CAST: variants seen among roughly 807,000 people sequenced by gnomAD.
CAST encodes the protein calpastatin.
Under a neutral mutation model 119.6 loss-of-function variants are expected in CAST, and 76 were observed. The observed-to-expected ratio is 0.64, with a 90% CI of 0.53 to 0.77. The LOEUF is 0.77. Ranked by LOEUF, CAST falls within the 30% of genes least tolerant of loss-of-function variation. The probability of loss-of-function intolerance (pLI) is 0.00; values close to 1 mark genes in which losing one functional copy is unlikely to be tolerated. For missense variants in CAST, 953 were observed against 946.5 expected (o/e 1.01, Z -0.09); for synonymous variants, 319 against 331.6 (o/e 0.96, Z 0.41).
intron 1 of CAST, among the ~76,000 whole-genome samples, chr5:96,579,623 C>T (rs1050242382): frequency 3.9e-5 from 6 of 152,122 alleles, no homozygotes; most frequent in African/African-American, 7.2e-5. Flanking sequence ...GATGCCATTC[C>T]GCTGTGCTAT....
chr5:96,619,727 A>G (rs1056335709), intron 1 of CAST, among the ~76,000 whole-genome samples: 26 of 152,208 alleles, frequency 1.7e-4, no homozygotes, highest in African/African-American at 6.3e-4. Flanking sequence ...AACTCCAGGC[A>G]CACCATCTTT....
chr5:96,763,064 TCTC>T, intron 25 of CAST: 5 of 765,036 alleles, frequency 6.5e-6, no homozygotes, highest in Non-Finnish European at 1.2e-5. Context: ...CAGATCCCCA[TCTC>T]CTTTGGTTGA....
At chr5:96,770,039 A>T (rs543794591) in intron 29 of CAST, 5 of 154,278 alleles carry the variant, frequency 3.2e-5, no homozygotes, top group African/African-American at 1.2e-4. Flanking sequence ...GAGTGCAGAT[A>T]TCTTTATAAG....
At chr5:95,968,717 T>C in the CAST span, among the ~76,000 whole-genome samples, 3 of 152,182 alleles carry the variant, frequency 2.0e-5, no homozygotes, top group African/African-American at 7.2e-5. Context: ...CATTCAGCTG[T>C]TTATTCAAGT....
At chr5:96,665,743 TACACACACACAC>T (rs745907302) in intron 1 of CAST, among the ~76,000 whole-genome samples, 2 of 130,076 alleles carry the variant, frequency 1.5e-5, no homozygotes, top group Admixed American at 1.5e-4. Context: ...CACACACACA[TACACACACACAC>T]ACACATATAC....
chr5:96,741,515 G>A lies in CAST; in HGVS notation c.1033G>A (p.Ala345Thr). The change falls in exon 15 of 32, where the codon GCT (alanine) becomes ACT (threonine). Residue 345 changes from alanine (A) to threonine (T), a missense_variant. Transcript: ENST00000675179. Reference sequence around the variant, plus strand: ...TCAGGAATCTACAGAAGTTTTAAAAGCTCAGTCAGCAGGGACAGTCAGAAG... The same window carrying A: ...TCAGGAATCTACAGAAGTTTTAAAAACTCAGTCAGCAGGGACAGTCAGAAG... ...EKEESTEVLKAQSAGTVRSAA... is the reference protein window; with the variant it reads ...EKEESTEVLKTQSAGTVRSAA... 1.2e-6 allele frequency: 2 copies of A among 1,613,444 alleles called. No homozygotes were observed. Among genetic ancestry groups the A allele is most frequent in the Admixed American group, 1.7e-5 (1 of 59,994 alleles).
At chr5:95,979,804 A>G in the CAST span, among the ~76,000 whole-genome samples, 2 of 152,184 alleles carry the variant, frequency 1.3e-5, no homozygotes, top group Non-Finnish European at 2.9e-5. Context: ...TTAAAGCTGC[A>G]TAGGAATTTT....
chr5:96,260,998 C>A, the CAST span, among the ~76,000 whole-genome samples: 1 of 152,156 alleles, frequency 6.6e-6, no homozygotes, highest in African/African-American at 2.4e-5. Flanking sequence ...TCATCCTCAG[C>A]AAAATTGCTG....
intron 1 of CAST, among the ~76,000 whole-genome samples, chr5:96,561,093 A>G (rs1746347671): frequency 6.6e-6 from 1 of 151,854 alleles, no homozygotes; most frequent in Non-Finnish European, 1.5e-5. Flanking sequence ...TGAGCAAACT[A>G]TCGCAAGGAC....
the CAST span, among the ~76,000 whole-genome samples, chr5:96,371,854 A>G: frequency 6.6e-6 from 1 of 152,220 alleles, no homozygotes; most frequent in South Asian, 2.1e-4. Context: ...ACACAGCAGG[A>G]TTTATGACCA....
chr5:95,966,703 G>C, the CAST span, among the ~76,000 whole-genome samples: 1 of 152,148 alleles, frequency 6.6e-6, no homozygotes, highest in Non-Finnish European at 1.5e-5. Context: ...CACATGTATT[G>C]AATACACATG....
the CAST span, among the ~76,000 whole-genome samples, chr5:96,259,023 A>G: frequency 1.3e-5 from 2 of 152,230 alleles, no homozygotes; most frequent in Non-Finnish European, 2.9e-5. Context: ...GGAAGATATG[A>G]GAGGTGAACT....
At chr5:96,026,638 C>T in the CAST span, among the ~76,000 whole-genome samples, 1 of 152,156 alleles carries the variant, frequency 6.6e-6, no homozygotes, top group African/African-American at 2.4e-5. Flanking sequence ...CAGAATGCTT[C>T]AGGGTCCAGG....
At chr5:95,980,905 C>A in the CAST span, among the ~76,000 whole-genome samples, 1 of 152,138 alleles carries the variant, frequency 6.6e-6, no homozygotes, top group African/African-American at 2.4e-5. Context: ...CTCCCTCCTG[C>A]CCACCAATAC....
chr5:96,204,980 G>A, the CAST span, among the ~76,000 whole-genome samples: 1 of 152,078 alleles, frequency 6.6e-6, no homozygotes, highest in African/African-American at 2.4e-5. Context: ...TTTCCAGTAT[G>A]TGGTAAAGCT....
intron 27 of CAST, 129 bp downstream of exon 27, chr5:96,766,274 A>G: frequency 1.7e-6 from 1 of 587,354 alleles, no homozygotes; most frequent in South Asian, 2.3e-5. Flanking sequence ...ACTGCTTCTA[A>G]TGTGTCACCA....
chr5:96,540,138 C>A (rs972468026), intron 1 of CAST, among the ~76,000 whole-genome samples: 3 of 152,198 alleles, frequency 2.0e-5, no homozygotes, highest in Admixed American at 1.3e-4. Flanking sequence ...TCTGTTTATA[C>A]ATATTAGCTC....
the CAST span, chr5:96,432,043 G>A: frequency 2.1e-6 from 3 of 1,416,478 alleles, no homozygotes. Flanking sequence ...ACTTGGACAG[G>A]CAACAATAAG....
the CAST span, among the ~76,000 whole-genome samples, chr5:96,473,339 GCT>G: frequency 6.6e-6 from 1 of 152,188 alleles, no homozygotes; most frequent in Non-Finnish European, 1.5e-5. Context: ...AATAAAAGGA[GCT>G]CCTAATCAGA....
Sources: allele counts gnomAD v4.1 joint callset (sites outside exome capture counted in the v4.1 genomes callset), GRCh38; gene constraint gnomAD v4.1.1; transcripts MANE v1.5; gene names NCBI Gene and HGNC (gene_info 2026-07-23, HGNC 2026-07-21).